Variants in SAE1 observed in about 807,000 individuals in gnomAD.
The protein encoded by SAE1 is SUMO-activating enzyme subunit 1.
SAE1 carries 11 observed loss-of-function variants against 40.6 expected under a neutral mutation model. The ratio of observed to expected loss-of-function variants is 0.27; its 90% confidence interval spans 0.17 to 0.45. The LOEUF (loss-of-function observed/expected upper bound fraction) is 0.45, where lower values mean the gene tolerates loss of function less well. SAE1 is among the 20% of genes least tolerant of loss of function. SAE1 has a pLI of 1.00. For synonymous variants in SAE1, 155 were observed against 154.3 expected, an observed-to-expected ratio of 1.00 and a Z score of -0.03; for missense variants, 373 against 427.3, an observed-to-expected ratio of 0.87 and a Z score of 1.12.
At chr19:47,182,492 TGTGTGCGCGC>T (rs1335010898) in intron 6 of SAE1, among the ~76,000 whole-genome samples, 2 of 140,320 alleles carry the variant, frequency 1.4e-5, no homozygotes, top group African/African-American at 5.9e-5. Context: ...TGTGTGTGTG[TGTGTGCGCGC>T]ACGCACGCGC....
At chr19:47,187,570 G>A (rs1286562095) in intron 6 of SAE1, among the ~76,000 whole-genome samples, 1 of 152,088 alleles carries the variant, frequency 6.6e-6, no homozygotes, top group African/African-American at 2.4e-5. Context: ...TCACCCAGCT[G>A]GAGTGCAGTG....
At chr19:47,139,936 CT>C (rs34575308) in intron 1 of SAE1, among the ~76,000 whole-genome samples, 23,295 of 111,354 alleles carry the variant, frequency 0.21, 1,671 homozygotes, top group East Asian at 0.34. Flanking sequence ...TTGGGTATTT[CT>C]TTTTTTTTTT....
At chr19:47,167,531 C>T (rs1044308839) in intron 5 of SAE1, among the ~76,000 whole-genome samples, 2 of 152,146 alleles carry the variant, frequency 1.3e-5, no homozygotes, top group African/African-American at 2.4e-5. Context: ...TGAGCCACTG[C>T]GCCCAGCCAA....
intron 2 of SAE1, among the ~76,000 whole-genome samples, chr19:47,149,500 G>A (rs547935189): frequency 1.3e-5 from 2 of 152,254 alleles, no homozygotes; most frequent in Non-Finnish European, 2.9e-5. Context: ...ACCACTGGAA[G>A]ACAGAGATTT....
At chr19:47,134,667 C>T (rs1036101164) in intron 1 of SAE1, among the ~76,000 whole-genome samples, 2 of 151,972 alleles carry the variant, frequency 1.3e-5, no homozygotes, top group African/African-American at 2.4e-5. Context: ...AAGGGGTTTG[C>T]GGCAGCAGAT....
chr19:47,144,122 T>C (rs1199112899), intron 2 of SAE1, among the ~76,000 whole-genome samples: 1 of 151,082 alleles, frequency 6.6e-6, no homozygotes, highest in Non-Finnish European at 1.5e-5. Context: ...TCATCTGAGG[T>C]CAGGAGTTTG....
chr19:47,131,177 G>A, intron 1 of SAE1, 149 bp downstream of exon 1: 1 of 1,397,592 alleles, frequency 7.2e-7, no homozygotes, highest in Non-Finnish European at 9.3e-7. Flanking sequence ...TGGGGGGACT[G>A]GAGGAGTTGA....
chr19:47,186,617 G>A (rs1305541686), intron 6 of SAE1, among the ~76,000 whole-genome samples: 4 of 152,184 alleles, frequency 2.6e-5, no homozygotes, highest in South Asian at 2.1e-4. Flanking sequence ...TTTTGAGCTC[G>A]TTTCTGAGAA....
intron 2 of SAE1, among the ~76,000 whole-genome samples, chr19:47,147,820 G>T (rs1357626918): frequency 6.7e-6 from 1 of 149,910 alleles, no homozygotes; most frequent in Admixed American, 6.7e-5. Flanking sequence ...GTGCAGTGGC[G>T]CGATCTTGGC....
intron 5 of SAE1, among the ~76,000 whole-genome samples, chr19:47,161,966 G>A (rs2058362084): frequency 6.6e-6 from 1 of 152,180 alleles, no homozygotes; most frequent in Non-Finnish European, 1.5e-5. Flanking sequence ...GTAGCCACTA[G>A]CCACAGCTGG....
At chr19:47,148,775 C>T (rs931164001) in intron 2 of SAE1, among the ~76,000 whole-genome samples, 4 of 151,340 alleles carry the variant, frequency 2.6e-5, no homozygotes, top group South Asian at 4.2e-4. Flanking sequence ...CCACCACGTC[C>T]GGCTAATTTT....
intron 5 of SAE1, among the ~76,000 whole-genome samples, chr19:47,163,242 G>T (rs2058369843): frequency 6.8e-6 from 1 of 146,224 alleles, no homozygotes; most frequent in South Asian, 2.1e-4. Flanking sequence ...AGTGTGCTTG[G>T]AGTACATCCA....
At chr19:47,135,859 A>G (rs903780544) in intron 1 of SAE1, among the ~76,000 whole-genome samples, 3 of 151,704 alleles carry the variant, frequency 2.0e-5, no homozygotes, top group African/African-American at 7.3e-5. Context: ...GCTGGAGTGC[A>G]GTGGCGCAGT....
intron 1 of SAE1, among the ~76,000 whole-genome samples, chr19:47,135,191 C>G (rs747530752): frequency 6.6e-6 from 1 of 152,050 alleles, no homozygotes; most frequent in South Asian, 2.1e-4. Flanking sequence ...CAATTATATT[C>G]TTTTAGTTGC....
chr19:47,160,985 G>A (rs776177770), intron 5 of SAE1, among the ~76,000 whole-genome samples: 1 of 152,014 alleles, frequency 6.6e-6, no homozygotes, highest in Non-Finnish European at 1.5e-5. Flanking sequence ...GCTTATCTCT[G>A]TATATATATT....
intron 7 of SAE1, 26 bp downstream of exon 7, chr19:47,197,403 T>C (rs1298567574): frequency 6.3e-7 from 1 of 1,587,966 alleles, no homozygotes; most frequent in Admixed American, 1.8e-5. Flanking sequence ...TATCACTGTT[T>C]AGTCTGGACA....
chr19:47,205,037 C>T (rs1490597684), intron 8 of SAE1, among the ~76,000 whole-genome samples: 1 of 152,192 alleles, frequency 6.6e-6, no homozygotes, highest in East Asian at 1.9e-4. Flanking sequence ...ACCATACCCC[C>T]AAATATATTG....
chr19:47,190,828 C>T (rs552212033), intron 6 of SAE1, among the ~76,000 whole-genome samples: 35 of 152,328 alleles, frequency 2.3e-4, no homozygotes, highest in Non-Finnish European at 4.0e-4. Flanking sequence ...TTCTCACCCA[C>T]TGAACTTACA....
intron 7 of SAE1, among the ~76,000 whole-genome samples, chr19:47,200,166 C>CTCA (rs1322748386): frequency 6.6e-6 from 1 of 151,702 alleles, no homozygotes; most frequent in Non-Finnish European, 1.5e-5. Context: ...ATCTCCTGAC[C>CTCA]TCATGATCCA....
Sources: allele counts gnomAD v4.1 joint callset (sites outside exome capture counted in the v4.1 genomes callset), GRCh38; gene constraint gnomAD v4.1.1; transcripts MANE v1.5; gene names NCBI Gene and HGNC (gene_info 2026-07-23, HGNC 2026-07-21).